Variants in ACSS3 observed in about 807,000 individuals in gnomAD.
ACSS3 encodes acyl-CoA synthetase short-chain family member 3, mitochondrial.
ACSS3 carries 64 observed loss-of-function variants against 84.2 expected under a neutral mutation model. That is an observed-to-expected ratio of 0.76 (90% CI 0.62 to 0.94). ACSS3 has a LOEUF of 0.94. ACSS3 is among the 40% of genes least tolerant of loss of function. The pLI is 0.00. For missense variants in ACSS3, 815 were observed against 867.6 expected (o/e 0.94, Z 0.76); for synonymous variants, 317 against 310.1 (o/e 1.02, Z -0.23).
chr12:81,179,778 CAAAAA>C (rs201290758), intron 8 of ACSS3, among the ~76,000 whole-genome samples: 3 of 73,508 alleles, frequency 4.1e-5, no homozygotes, highest in African/African-American at 1.2e-4. Flanking sequence ...GACTCCGTCT[CAAAAA>C]AAAAAAAAAA....
intron 7 of ACSS3, among the ~76,000 whole-genome samples, chr12:81,164,319 G>T (rs1425524586): frequency 6.6e-6 from 1 of 152,146 alleles, no homozygotes; most frequent in Admixed American, 6.5e-5. Context: ...TCAGTGTGTG[G>T]TAGGCTTCAC....
At chr12:81,110,856 T>A (rs772460529) in intron 2 of ACSS3, among the ~76,000 whole-genome samples, 4 of 152,214 alleles carry the variant, frequency 2.6e-5, no homozygotes, top group Non-Finnish European at 4.4e-5. Flanking sequence ...TAAGATTGTA[T>A]TCTCTCCTTT....
intron 1 of ACSS3, among the ~76,000 whole-genome samples, chr12:81,089,191 T>C (rs1881511862): frequency 6.6e-6 from 1 of 152,018 alleles, no homozygotes; most frequent in Non-Finnish European, 1.5e-5. Flanking sequence ...GGAAATTTAC[T>C]CCTCCAACCT....
At chr12:81,086,858 T>C (rs1881348044) in intron 1 of ACSS3, among the ~76,000 whole-genome samples, 1 of 152,208 alleles carries the variant, frequency 6.6e-6, no homozygotes, top group Non-Finnish European at 1.5e-5. Flanking sequence ...TGCAATTATA[T>C]ATATGAATGT....
intron 2 of ACSS3, among the ~76,000 whole-genome samples, chr12:81,131,574 A>G (rs879513641): frequency 9.2e-5 from 14 of 152,324 alleles, no homozygotes; most frequent in Middle Eastern, 3.4e-3. Flanking sequence ...ATCTGCAAAC[A>G]GGGACAATTT....
chr12:81,142,539 A>G (rs1319926606), intron 4 of ACSS3, among the ~76,000 whole-genome samples: 1 of 152,212 alleles, frequency 6.6e-6, no homozygotes, highest in Admixed American at 6.5e-5. Flanking sequence ...GACTCTGACT[A>G]AATTTCAAAA....
chr12:81,105,750 A>T (rs1287615857), intron 1 of ACSS3, among the ~76,000 whole-genome samples: 3 of 152,204 alleles, frequency 2.0e-5, no homozygotes, highest in African/African-American at 7.2e-5. Flanking sequence ...AAACAGTGTC[A>T]TATTCTTCTT....
chr12:81,161,108 C>G (rs1887123944), intron 7 of ACSS3, among the ~76,000 whole-genome samples: 2 of 152,122 alleles, frequency 1.3e-5, no homozygotes, highest in South Asian at 4.1e-4. Flanking sequence ...TCCTGTAATC[C>G]AGTCACTTAA....
intron 11 of ACSS3, among the ~76,000 whole-genome samples, chr12:81,224,554 A>T (rs1039333013): frequency 8.4e-6 from 1 of 118,752 alleles, no homozygotes; most frequent in Admixed American, 8.7e-5. Context: ...ATACATACAT[A>T]TATATATACA....
intron 8 of ACSS3, among the ~76,000 whole-genome samples, chr12:81,187,657 GA>G (rs762080995): frequency 6.6e-6 from 1 of 151,376 alleles, no homozygotes; most frequent in African/African-American, 2.4e-5. Flanking sequence ...CCCGTTTTGT[GA>G]AAAAATAAAA....
chr12:81,253,180 C>CA, intron 13 of ACSS3, 127 bp from the exon 14 acceptor site: 1 of 998,768 alleles, frequency 1.0e-6, no homozygotes, highest in Admixed American at 2.3e-5. Flanking sequence ...GCTTGTCTTA[C>CA]ATGCACTTTT....
chr12:81,199,412 G>C lies in ACSS3; in HGVS notation c.1322G>C (p.Arg441Thr). 4.3e-6 allele frequency: 7 copies of C among 1,613,678 alleles called. No homozygotes were observed. Among genetic ancestry groups the C allele is most frequent in the Non-Finnish European group, 5.9e-6 (7 of 1,179,734 alleles). ...ETLEWSKNVF[R>T]VPVLDHWWQT... Reference sequence around the variant, plus strand: ...CTGGAATGGTCCAAAAATGTCTTCAGAGTACCTGTCTTAGACCATTGGTGG... The same window carrying C: ...CTGGAATGGTCCAAAAATGTCTTCACAGTACCTGTCTTAGACCATTGGTGG... Residue 441 changes from arginine (R) to threonine (T), a missense_variant, in exon 9 of 16, where the codon AGA becomes ACA. Transcript: ENST00000548058.
chr12:81,178,335 G>A (rs542053601), intron 8 of ACSS3, among the ~76,000 whole-genome samples: 54 of 139,124 alleles, frequency 3.9e-4, no homozygotes, highest in Middle Eastern at 3.8e-3. Flanking sequence ...GAGGGGGCAG[G>A]GATAGCATTA....
chr12:81,216,189 T>A (rs2032907160), intron 9 of ACSS3, among the ~76,000 whole-genome samples: 1 of 151,422 alleles, frequency 6.6e-6, no homozygotes, highest in South Asian at 2.1e-4. Context: ...AATCTTTTTT[T>A]ATTTTTATTA....
At chr12:81,149,718 T>C (rs1886518485) in intron 5 of ACSS3, among the ~76,000 whole-genome samples, 1 of 152,186 alleles carries the variant, frequency 6.6e-6, no homozygotes, top group Non-Finnish European at 1.5e-5. Context: ...TTCTCACTCC[T>C]TCAGCTTCAT....
intron 13 of ACSS3, among the ~76,000 whole-genome samples, chr12:81,237,697 G>T (rs1041756830): frequency 5.9e-5 from 9 of 151,592 alleles, no homozygotes; most frequent in Non-Finnish European, 1.2e-4. Flanking sequence ...GTGGACTGTG[G>T]TTTCAATGTT....
chr12:81,165,996 C>A (rs1887385613), intron 7 of ACSS3, among the ~76,000 whole-genome samples: 1 of 152,038 alleles, frequency 6.6e-6, no homozygotes, highest in African/African-American at 2.4e-5. Flanking sequence ...TTTAAGTACC[C>A]CATTTACAGC....
At chr12:81,148,029 T>A (rs1886427168) in intron 5 of ACSS3, among the ~76,000 whole-genome samples, 1 of 151,988 alleles carries the variant, frequency 6.6e-6, no homozygotes. Flanking sequence ...TATATTTGCC[T>A]TGTATGATTC....
intron 2 of ACSS3, among the ~76,000 whole-genome samples, chr12:81,127,543 A>G (rs1885184284): frequency 1.3e-5 from 2 of 152,210 alleles, no homozygotes; most frequent in South Asian, 4.1e-4. Flanking sequence ...TATGGAAATT[A>G]TACATATTCT....
Sources: allele counts gnomAD v4.1 joint callset (sites outside exome capture counted in the v4.1 genomes callset), GRCh38; gene constraint gnomAD v4.1.1; transcripts MANE v1.5; gene names NCBI Gene and HGNC (gene_info 2026-07-23, HGNC 2026-07-21).